RNLS: variants seen among roughly 807,000 people sequenced by gnomAD.
The protein encoded by RNLS is renalase, FAD dependent amine oxidase, also known as renalase.
RNLS carries 39 observed loss-of-function variants against 39.8 expected under a neutral mutation model. The observed-to-expected ratio is 0.98, with a 90% CI of 0.76 to 1.28. The LOEUF (loss-of-function observed/expected upper bound fraction) is 1.28, where lower values mean the gene tolerates loss of function less well. Ranked by LOEUF, RNLS falls within the 50% of genes most tolerant of loss-of-function variation. The probability of loss-of-function intolerance (pLI) is 0.00; values close to 1 mark genes in which losing one functional copy is unlikely to be tolerated. For synonymous variants in RNLS, 147 were observed against 150.7 expected (o/e 0.98, Z 0.18); for missense variants, 410 against 413.3 (o/e 0.99, Z 0.07).
At position 88,285,255 on chromosome 10, in the gene RNLS, C is replaced by T. The variant is rs1843183693; in HGVS notation, c.*99G>A. ...TGATAATAAGTGAAGAACAATTTTCCAGTAATTTTTCTTAGCAAAATAGAA... is the reference window on the plus strand; with the variant it reads ...TGATAATAAGTGAAGAACAATTTTCTAGTAATTTTTCTTAGCAAAATAGAA... On this transcript the variant is annotated 3_prime_UTR_variant, in exon 7 of 7. Transcript: ENST00000331772. 2 of 1,406,178 alleles carry T rather than the reference C, an allele frequency of 1.4e-6. No individual in the cohort carries two copies. Among genetic ancestry groups the T allele is most frequent in the Non-Finnish European group, 1.9e-6 (2 of 1,075,560 alleles). 87.1% of individuals were successfully genotyped at this position (1,406,178 alleles called of 1,614,324 possible). A position where few individuals can be genotyped will look rare whatever the true frequency, so the allele number is the denominator to read the frequency against.
the RNLS span, among the ~76,000 whole-genome samples, chr10:88,250,862 T>C: frequency 1.3e-5 from 2 of 152,200 alleles, no homozygotes; most frequent in East Asian, 3.8e-4. Flanking sequence ...GCATGTAAAT[T>C]TGTTAACTGG....
chr10:88,236,585 T>A, the RNLS span, among the ~76,000 whole-genome samples: 1 of 152,216 alleles, frequency 6.6e-6, no homozygotes, highest in Non-Finnish European at 1.5e-5. Flanking sequence ...AAGTCAGGGC[T>A]CTACCAAGAT....
At chr10:88,210,281 A>G in the RNLS span, among the ~76,000 whole-genome samples, 1 of 152,202 alleles carries the variant, frequency 6.6e-6, no homozygotes, top group Admixed American at 6.5e-5. Context: ...GTAAATAATC[A>G]GTATTTAAGC....
At chr10:88,555,684 C>T (rs1848834222) in intron 4 of RNLS, among the ~76,000 whole-genome samples, 1 of 152,128 alleles carries the variant, frequency 6.6e-6, no homozygotes, top group African/African-American at 2.4e-5. Context: ...GACTGACACA[C>T]CCTCCACATT....
chr10:88,445,331 A>T (rs1200410612), intron 4 of RNLS, among the ~76,000 whole-genome samples: 3 of 152,236 alleles, frequency 2.0e-5, no homozygotes, highest in Admixed American at 6.5e-5. Flanking sequence ...CTAAACATGG[A>T]AAGGAACAAC....
At chr10:88,211,531 G>A in the RNLS span, among the ~76,000 whole-genome samples, 7 of 152,344 alleles carry the variant, frequency 4.6e-5, no homozygotes, top group Admixed American at 2.0e-4. Context: ...ATTTGAGGAT[G>A]AAGTGCTATT....
At chr10:88,357,969 G>T (rs998867310) in intron 5 of RNLS, among the ~76,000 whole-genome samples, 1 of 152,180 alleles carries the variant, frequency 6.6e-6, no homozygotes, top group African/African-American at 2.4e-5. Context: ...ATAAACCTCA[G>T]TCATGTTCAG....
At chr10:88,217,291 T>C in the RNLS span, among the ~76,000 whole-genome samples, 1 of 152,176 alleles carries the variant, frequency 6.6e-6, no homozygotes, top group Non-Finnish European at 1.5e-5. Flanking sequence ...ACCACTCAGT[T>C]AATTAGAGGT....
At chr10:88,349,769 A>ATG (rs1480489540) in intron 5 of RNLS, among the ~76,000 whole-genome samples, 1 of 151,708 alleles carries the variant, frequency 6.6e-6, no homozygotes, top group Non-Finnish European at 1.5e-5. Flanking sequence ...ATATATATAT[A>ATG]TTTTTCTTCC....
chr10:88,456,869 C>G (rs889237956), intron 4 of RNLS, among the ~76,000 whole-genome samples: 1 of 152,156 alleles, frequency 6.6e-6, no homozygotes, highest in Admixed American at 6.6e-5. Context: ...ACCTCACCAT[C>G]AGAATTCTTA....
At chr10:88,462,448 G>A (rs1014098022) in intron 4 of RNLS, among the ~76,000 whole-genome samples, 5 of 151,842 alleles carry the variant, frequency 3.3e-5, no homozygotes, top group Non-Finnish European at 7.4e-5. Context: ...CTTCTATGTT[G>A]ATTTCATCTT....
the RNLS span, among the ~76,000 whole-genome samples, chr10:88,178,773 G>A: frequency 6.6e-6 from 1 of 152,182 alleles, no homozygotes; most frequent in Non-Finnish European, 1.5e-5. Flanking sequence ...CTACTGTTCT[G>A]CCTCACTTTG....
At chr10:88,548,404 C>G (rs1329112137) in intron 4 of RNLS, among the ~76,000 whole-genome samples, 1 of 149,224 alleles carries the variant, frequency 6.7e-6, no homozygotes, top group Non-Finnish European at 1.5e-5. Flanking sequence ...CTTTGGGAGG[C>G]TGAGATGGGT....
chr10:88,423,871 G>A (rs913771259), intron 4 of RNLS, among the ~76,000 whole-genome samples: 1 of 152,216 alleles, frequency 6.6e-6, no homozygotes, highest in Non-Finnish European at 1.5e-5. Flanking sequence ...ACTACAGAAT[G>A]TTGTGGGGTC....
chr10:88,248,639 A>T, the RNLS span, among the ~76,000 whole-genome samples: 73 of 152,292 alleles, frequency 4.8e-4, 1 homozygote, highest in South Asian at 5.4e-3. Context: ...AAAATGTCCA[A>T]TTGGGATCAT....
At chr10:88,507,708 T>C (rs1315301027) in intron 4 of RNLS, among the ~76,000 whole-genome samples, 3 of 152,206 alleles carry the variant, frequency 2.0e-5, no homozygotes, top group African/African-American at 7.2e-5. Flanking sequence ...ACTGATAGTT[T>C]TTGAAGTACT....
chr10:88,387,519 AAAAAAG>A (rs1389010573), intron 4 of RNLS, among the ~76,000 whole-genome samples: 5 of 151,904 alleles, frequency 3.3e-5, no homozygotes, highest in African/African-American at 7.3e-5. Flanking sequence ...AAAAAAAAAA[AAAAAAG>A]GAAGATTATT....
intron 4 of RNLS, among the ~76,000 whole-genome samples, chr10:88,544,985 A>G (rs922550837): frequency 1.1e-4 from 17 of 152,090 alleles, no homozygotes; most frequent in Admixed American, 1.3e-4. Context: ...TGGGATAATC[A>G]CATTTGGTAG....
intron 3 of RNLS, among the ~76,000 whole-genome samples, chr10:88,575,149 TATATATATATACAC>T (rs771003877): frequency 0.22 from 11,850 of 54,744 alleles, 639 homozygotes; most frequent in East Asian, 0.39. Flanking sequence ...TATATATATA[TATATATATATACAC>T]ACACACACAC....
Sources: gnomAD v4.1 joint callset for allele counts (sites outside exome capture counted in the v4.1 genomes callset) on GRCh38, gnomAD v4.1.1 for gene constraint, MANE v1.5 for transcripts, NCBI Gene and HGNC (gene_info 2026-07-23, HGNC 2026-07-21) for gene names.